GRIN2A: variants seen among roughly 807,000 people sequenced by gnomAD.
GRIN2A encodes glutamate receptor ionotropic, NMDA 2A.
GRIN2A carries 22 observed loss-of-function variants against 113.4 expected under a neutral mutation model. That is an observed-to-expected ratio of 0.19 (90% CI 0.14 to 0.28). The LOEUF (loss-of-function observed/expected upper bound fraction) is 0.28. Ranked by LOEUF, GRIN2A falls within the 10% of genes least tolerant of loss-of-function variation. The pLI is 1.00. For missense variants in GRIN2A, 1,502 were observed against 1,887.0 expected (o/e 0.80, Z 3.78); for synonymous variants, 827 against 738.4 (o/e 1.12, Z -1.94).
intron 4 of GRIN2A, among the ~76,000 whole-genome samples, chr16:9,881,225 G>C (rs552542108): frequency 6.6e-6 from 1 of 152,196 alleles, no homozygotes; most frequent in Admixed American, 6.5e-5. Context: ...TCATTTGCCA[G>C]AAGTTATTCA....
chr16:10,111,942 G>GGCTCCA, intron 2 of GRIN2A: 1 of 736,978 alleles, frequency 1.4e-6, no homozygotes, highest in Non-Finnish European at 2.4e-6. Context: ...AGCTGATGGT[G>GGCTCCA]GCTCCAGCAG....
chr16:9,817,321 T>G (rs2141283580), intron 10 of GRIN2A, among the ~76,000 whole-genome samples: 1 of 152,300 alleles, frequency 6.6e-6, no homozygotes, highest in East Asian at 1.9e-4. Context: ...CGGGGAATGA[T>G]GCTTATTATA....
intron 2 of GRIN2A, among the ~76,000 whole-genome samples, chr16:9,986,012 T>G (rs2045974116): frequency 6.6e-6 from 1 of 152,302 alleles, no homozygotes; most frequent in Non-Finnish European, 1.5e-5. Flanking sequence ...CATTTTTAAC[T>G]GATATTTTAT....
At position 10,040,000 on chromosome 16, in the gene GRIN2A, A is replaced by AAC. The variant is rs1491437174; in HGVS notation, c.415-101451_415-101450dup. On this transcript the variant is annotated intron_variant, in intron 2 of 12. Coordinates refer to ENST00000330684, the MANE Select transcript of GRIN2A (RefSeq NM_001134407.3). ...ACACCTCCACACTGCACAAATACAC[A>AAC]ACACACACATCCACACACCACACAC... Among the ~76,000 whole-genome samples, 27 of 125,802 alleles carry AAC rather than the reference A, an allele frequency of 2.1e-4. 1 individual carries two copies. The highest frequency in any genetic ancestry group is 1.6e-3 in the South Asian group (6 of 3,794). 82.5% of individuals were successfully genotyped at this position (125,802 alleles called of 152,430 possible).
At chr16:9,881,087 A>G (rs1225789980) in intron 4 of GRIN2A, among the ~76,000 whole-genome samples, 2 of 152,218 alleles carry the variant, frequency 1.3e-5, no homozygotes, top group African/African-American at 4.8e-5. Flanking sequence ...CCTAAGTTCT[A>G]TTATCTCTGT....
At chr16:10,024,201 G>A (rs1361604642) in intron 2 of GRIN2A, among the ~76,000 whole-genome samples, 4 of 151,810 alleles carry the variant, frequency 2.6e-5, no homozygotes, top group Admixed American at 6.5e-5. Flanking sequence ...ATGCACAAGT[G>A]GTCTCATTAA....
intron 2 of GRIN2A, among the ~76,000 whole-genome samples, chr16:10,038,277 G>T (rs979007260): frequency 6.6e-6 from 1 of 151,700 alleles, no homozygotes; most frequent in Non-Finnish European, 1.5e-5. Context: ...CCTCCCAAAG[G>T]CTCCACCCCA....
intron 2 of GRIN2A, among the ~76,000 whole-genome samples, chr16:10,156,287 C>T (rs1177512248): frequency 6.6e-6 from 1 of 152,232 alleles, no homozygotes; most frequent in Non-Finnish European, 1.5e-5. Flanking sequence ...GCCTGATCAT[C>T]GCATGTGGTC....
At chr16:9,838,066 T>G (rs1480886378) in intron 7 of GRIN2A, among the ~76,000 whole-genome samples, 1 of 152,212 alleles carries the variant, frequency 6.6e-6, no homozygotes, top group Non-Finnish European at 1.5e-5. Context: ...TTTCACTGGA[T>G]GCCAACATTA....
chr16:9,929,827 T>TA (rs1279778765), intron 3 of GRIN2A, among the ~76,000 whole-genome samples: 2 of 152,204 alleles, frequency 1.3e-5, no homozygotes, highest in African/African-American at 4.8e-5. Flanking sequence ...TCCTAAGACT[T>TA]ACATCTGGCC....
intron 2 of GRIN2A, among the ~76,000 whole-genome samples, chr16:10,153,865 C>A (rs894522297): frequency 9.2e-5 from 14 of 152,214 alleles, no homozygotes; most frequent in Admixed American, 3.3e-4. Flanking sequence ...TCACCTACTT[C>A]ATGTCAAACC....
chr16:9,997,861 T>G (rs2046254217), intron 2 of GRIN2A, among the ~76,000 whole-genome samples: 1 of 152,208 alleles, frequency 6.6e-6, no homozygotes, highest in African/African-American at 2.4e-5. Flanking sequence ...ATGTAAGACA[T>G]GCCTTTGTTC....
intron 11 of GRIN2A, among the ~76,000 whole-genome samples, chr16:9,792,933 C>T (rs887922333): frequency 6.6e-6 from 1 of 152,226 alleles, no homozygotes; most frequent in African/African-American, 2.4e-5. Flanking sequence ...AAAGTCTGAA[C>T]AGGGTGTTGT....
chr16:9,862,624 G>C (rs140442201), intron 4 of GRIN2A, among the ~76,000 whole-genome samples: 1 of 152,188 alleles, frequency 6.6e-6, no homozygotes, highest in Non-Finnish European at 1.5e-5. Context: ...TTTGTTGCCA[G>C]ATCCCTGGGG....
In GRIN2A at chr16:9,822,444, G is replaced by T. The variant is rs768456499; in HGVS notation, c.2008-20C>A. ...CTGAAACTGGAGAGAGAACGAGAAA[G>T]GAAGAGAGAGAGTAGGAAAAGAAAG... is the stretch of plus-strand genomic sequence containing the variant. On this transcript the variant is annotated intron_variant, in intron 9 of 12. Transcript: ENST00000330684. 18 of 1,526,468 alleles carry T rather than the reference G, an allele frequency of 1.2e-5. No homozygotes were observed. The highest frequency in any genetic ancestry group is 2.8e-5 in the African/African-American group (2 of 72,710). The allele number at this position is 1,526,468 out of a possible 1,614,324, so 94.6% of individuals were successfully genotyped here.
At chr16:10,098,515 G>A (rs2048336515) in intron 2 of GRIN2A, among the ~76,000 whole-genome samples, 1 of 152,114 alleles carries the variant, frequency 6.6e-6, no homozygotes, top group Non-Finnish European at 1.5e-5. Context: ...CATGTTTACA[G>A]CAGCACAATT....
At chr16:9,858,998 T>C (rs1055704128) in intron 4 of GRIN2A, among the ~76,000 whole-genome samples, 16 of 152,138 alleles carry the variant, frequency 1.1e-4, no homozygotes, top group African/African-American at 3.9e-4. Flanking sequence ...AGCCACCTCC[T>C]AAAAAACAAA....
Position 10,002,805 on chromosome 16 carries a change from T to G in GRIN2A, c.415-64254A>C, listed in dbSNP as rs113574607. 7.0e-3 allele frequency among the ~76,000 whole-genome samples: 1,071 copies of G among 152,304 alleles called. 5 individuals carry two copies. The highest frequency in any genetic ancestry group is 0.025 in the African/African-American group (1,034 of 41,556). On this transcript the variant is annotated intron_variant, in intron 2 of 12. Coordinates refer to ENST00000330684, the MANE Select transcript of GRIN2A (RefSeq NM_001134407.3). ...TGTTAAAATCTTCCTATTTTAACAG[T>G]TGGTAAACCATGCACATTTAAGATT...
At chr16:9,884,223 G>T (rs564238535) in intron 4 of GRIN2A, among the ~76,000 whole-genome samples, 1 of 152,122 alleles carries the variant, frequency 6.6e-6, no homozygotes, top group Admixed American at 6.5e-5. Context: ...GTATATAGGT[G>T]TATGCATAAA....
Sources: allele counts gnomAD v4.1 joint callset (sites outside exome capture counted in the v4.1 genomes callset), GRCh38; gene constraint gnomAD v4.1.1; transcripts MANE v1.5; gene names NCBI Gene and HGNC (gene_info 2026-07-23, HGNC 2026-07-21).